ADGRB3: variants seen among roughly 807,000 people sequenced by gnomAD.
The protein encoded by ADGRB3 is adhesion G protein-coupled receptor B3, also known as brain-specific angiogenesis inhibitor 3.
A neutral mutation model predicts 193.4 loss-of-function variants in ADGRB3; 37 were observed. The observed-to-expected ratio is 0.19, with a 90% CI of 0.15 to 0.25. The LOEUF (loss-of-function observed/expected upper bound fraction) is 0.25, where lower values mean the gene tolerates loss of function less well. ADGRB3 is among the 10% of genes least tolerant of loss of function. The pLI is 1.00. For synonymous variants in ADGRB3, 690 were observed against 644.2 expected, an observed-to-expected ratio of 1.07 and a Z score of -1.08; for missense variants, 1,637 against 1,852.9, an observed-to-expected ratio of 0.88 and a Z score of 2.14.
chr6:69,057,012 T>C (rs527511136), intron 15 of ADGRB3, among the ~76,000 whole-genome samples: 37 of 152,132 alleles, frequency 2.4e-4, no homozygotes, highest in Non-Finnish European at 3.7e-4. Flanking sequence ...ATTTTAACCA[T>C]ATTAAGTCAT....
intron 20 of ADGRB3, among the ~76,000 whole-genome samples, chr6:69,270,550 T>C (rs918716797): frequency 1.3e-5 from 2 of 152,180 alleles, no homozygotes; most frequent in African/African-American, 4.8e-5. Context: ...ATCAAATTGT[T>C]CTTTTAAGGA....
intron 3 of ADGRB3, among the ~76,000 whole-genome samples, chr6:68,694,333 T>C (rs2127304285): frequency 6.6e-6 from 1 of 152,158 alleles, no homozygotes; most frequent in South Asian, 2.1e-4. Context: ...TAATAAGATG[T>C]ATAGATCCAT....
chr6:69,351,900 C>A (rs1229705613), intron 26 of ADGRB3, among the ~76,000 whole-genome samples: 1 of 152,110 alleles, frequency 6.6e-6, no homozygotes, highest in African/African-American at 2.4e-5. Context: ...TTTGGTATTG[C>A]CAAAATATTT....
intron 3 of ADGRB3, among the ~76,000 whole-genome samples, chr6:68,818,892 C>G (rs1040749105): frequency 6.6e-6 from 1 of 151,888 alleles, no homozygotes; most frequent in South Asian, 2.1e-4. Context: ...AGATCAATTT[C>G]AAAGGAATCT....
At chr6:68,856,486 G>T (rs1447942934) in intron 3 of ADGRB3, among the ~76,000 whole-genome samples, 4 of 152,168 alleles carry the variant, frequency 2.6e-5, no homozygotes, top group African/African-American at 9.7e-5. Flanking sequence ...TTGGGAACTG[G>T]AGCAAAGGTG....
chr6:69,362,612 C>T (rs1769477104), intron 29 of ADGRB3, among the ~76,000 whole-genome samples: 1 of 151,890 alleles, frequency 6.6e-6, no homozygotes, highest in Admixed American at 6.6e-5. Flanking sequence ...AGATAAGTCC[C>T]TAAGTTCTGG....
chr6:68,906,926 GTC>G (rs1178275666), intron 3 of ADGRB3, among the ~76,000 whole-genome samples: 1 of 151,838 alleles, frequency 6.6e-6, no homozygotes, highest in East Asian at 1.9e-4. Context: ...CTTCTGTACT[GTC>G]TCTTCACATT....
intron 17 of ADGRB3, among the ~76,000 whole-genome samples, chr6:69,165,409 C>A (rs891841146): frequency 2.6e-5 from 4 of 151,838 alleles, no homozygotes; most frequent in Admixed American, 2.0e-4. Flanking sequence ...GCCATCCCCC[C>A]CAACTTCACT....
At position 69,048,338 on chromosome 6, in the gene ADGRB3, A is replaced by G. The variant is rs1240213273; in HGVS notation, c.2257+4A>G. On this transcript the variant is annotated splice_donor_region_variant and intron_variant, in intron 14 of 31. Coordinates refer to ENST00000370598, the MANE Select transcript of ADGRB3 (RefSeq NM_001704.3). Reference sequence around the variant, plus strand: ...TTCACTCCGGTGTCATCAAAAGGTAAATATCTGAAATAATATGAGCTTGAA... The same window carrying G: ...TTCACTCCGGTGTCATCAAAAGGTAGATATCTGAAATAATATGAGCTTGAA... The G allele has an allele frequency of 2.5e-6, 4 of 1,610,592 alleles. No individual in the cohort carries two copies. Among genetic ancestry groups the G allele is most frequent in the Non-Finnish European group, 3.4e-6 (4 of 1,178,424 alleles).
chr6:68,724,345 A>G (rs1343689970), intron 3 of ADGRB3, among the ~76,000 whole-genome samples: 3 of 151,654 alleles, frequency 2.0e-5, no homozygotes. Context: ...GATTCTATGG[A>G]CTGTTACTGA....
intron 3 of ADGRB3, among the ~76,000 whole-genome samples, chr6:68,795,730 ATTGAAGGTCACC>A (rs1190817798): frequency 6.6e-6 from 1 of 152,156 alleles, no homozygotes; most frequent in Non-Finnish European, 1.5e-5. Context: ...CATGAATGGG[ATTGAAGGTCACC>A]TTGAATTTAA....
intron 3 of ADGRB3, among the ~76,000 whole-genome samples, chr6:68,779,340 C>T (rs1213705564): frequency 6.6e-6 from 1 of 151,412 alleles, no homozygotes; most frequent in Non-Finnish European, 1.5e-5. Flanking sequence ...AGTTATCTTT[C>T]CCCCCTCATT....
At chr6:69,259,117 T>C (rs1185986346) in intron 20 of ADGRB3, among the ~76,000 whole-genome samples, 3 of 152,134 alleles carry the variant, frequency 2.0e-5, no homozygotes, top group Non-Finnish European at 4.4e-5. Context: ...AAGCACATGA[T>C]ATTAAAAGAC....
At chr6:69,186,926 GT>G (rs550287938) in intron 17 of ADGRB3, among the ~76,000 whole-genome samples, 2,916 of 140,944 alleles carry the variant, frequency 0.021, 39 homozygotes, top group Non-Finnish European at 0.03. Context: ...TCATAGCAAG[GT>G]TTTTTTTTTG....
At position 69,038,498 on chromosome 6, in the gene ADGRB3, C is replaced by T. The variant is rs140252448; in HGVS notation, c.2108-9687C>T. 3.4e-3 allele frequency among the ~76,000 whole-genome samples: 521 copies of T among 152,240 alleles called. 1 individual carries two copies. Among genetic ancestry groups the T allele is most frequent in the African/African-American group, 0.012 (486 of 41,548 alleles). ...GGGAATTTATTTCCTAAGGCATTTC[C>T]CATATTGATTTGTTTTTAATCTTCA... On this transcript the variant is annotated intron_variant, in intron 13 of 31. Coordinates refer to ENST00000370598, the MANE Select transcript of ADGRB3 (RefSeq NM_001704.3).
At chr6:68,920,005 G>A (rs1211282094) in intron 3 of ADGRB3, among the ~76,000 whole-genome samples, 1 of 152,156 alleles carries the variant, frequency 6.6e-6, no homozygotes, top group Non-Finnish European at 1.5e-5. Context: ...AGGGGGTTGA[G>A]ATGGAAGCAG....
intron 30 of ADGRB3, among the ~76,000 whole-genome samples, chr6:69,374,945 C>T (rs1769782871): frequency 6.6e-6 from 1 of 151,886 alleles, no homozygotes; most frequent in African/African-American, 2.4e-5. Context: ...CAAAGATATC[C>T]ACATTAGATA....
chr6:68,907,995 C>G (rs1480384776), intron 3 of ADGRB3, among the ~76,000 whole-genome samples: 2 of 151,724 alleles, frequency 1.3e-5, no homozygotes, highest in Admixed American at 1.3e-4. Context: ...CTTTATTGAA[C>G]AATGAAATAT....
At chr6:68,772,892 AAAATATATATATATATATATATATAT>A (rs1766659546) in intron 3 of ADGRB3, among the ~76,000 whole-genome samples, 4 of 30,560 alleles carry the variant, frequency 1.3e-4, no homozygotes, top group Non-Finnish European at 1.7e-4. Flanking sequence ...CAAAAAAAAA[AAAATATATATATATATATATATATAT>A]ATATATATAT....
Sources: gnomAD v4.1 joint callset for allele counts (sites outside exome capture counted in the v4.1 genomes callset) on GRCh38, gnomAD v4.1.1 for gene constraint, MANE v1.5 for transcripts, NCBI Gene and HGNC (gene_info 2026-07-23, HGNC 2026-07-21) for gene names.